TGM7: variants seen among roughly 807,000 people sequenced by gnomAD.
TGM7 encodes the protein transglutaminase 7.
Under a neutral mutation model 79.5 loss-of-function variants are expected in TGM7, and 74 were observed. The observed-to-expected ratio is 0.93, with a 90% CI of 0.77 to 1.13. TGM7 has a LOEUF of 1.13. Among genes scored for constraint, TGM7 ranks in the 50% most tolerant of loss-of-function variants. The pLI is 0.00. For missense variants in TGM7, 912 were observed against 905.9 expected (o/e 1.01, Z -0.09); for synonymous variants, 354 against 362.5 (o/e 0.98, Z 0.27).
chr15:43,296,896 G>C (rs1366062001), intron 1 of TGM7, among the ~76,000 whole-genome samples: 4 of 152,118 alleles, frequency 2.6e-5, no homozygotes, highest in Admixed American at 1.3e-4. Context: ...AGAAAACAAA[G>C]GGAAGGGTTT....
At chr15:43,280,252 C>T (rs2042901181) in intron 9 of TGM7, among the ~76,000 whole-genome samples, 3 of 152,160 alleles carry the variant, frequency 2.0e-5, no homozygotes, top group African/African-American at 7.2e-5. Flanking sequence ...ACCAGCATCA[C>T]TATCATCATC....
chr15:43,277,135 A>G, intron 11 of TGM7, 140 bp from the exon 12 acceptor site: 1 of 1,089,302 alleles, frequency 9.2e-7, no homozygotes, highest in Admixed American at 2.4e-5. Flanking sequence ...CGAGGGAGGA[A>G]TGTGAGCTGA....
chr15:43,279,182 C>G lies in TGM7; in HGVS notation c.1774G>C (p.Glu592Gln), dbSNP rs765562286. ...IRVSGIAEVE[E>Q]TGRSMLVLKD... ...AGGACCAGCATGGACCTCCCTGTCT[C>G]TTCAACCTCCGCGATGCCAGACACG... Residue 592 changes from glutamate (E) to glutamine (Q), a missense_variant, in exon 11 of 13, where the codon GAG becomes CAG. Physicochemically the swap from Glu to Gln is conservative, Grantham distance 29. Transcript: ENST00000452443. 1 of 1,614,200 alleles carries G rather than the reference C, an allele frequency of 6.2e-7. No homozygotes were observed. Among genetic ancestry groups the G allele is most frequent in the Admixed American group, 1.7e-5 (1 of 60,032 alleles).
chr15:43,282,464 C>T (rs2042914334), intron 8 of TGM7, 53 bp downstream of exon 8: 2 of 1,489,836 alleles, frequency 1.3e-6, no homozygotes, highest in Non-Finnish European at 1.8e-6. Flanking sequence ...CGGCCAGTCA[C>T]CCTAATCTGC....
At chr15:43,299,773 G>A (rs1245225032) in intron 1 of TGM7, among the ~76,000 whole-genome samples, 3 of 152,108 alleles carry the variant, frequency 2.0e-5, no homozygotes, top group Admixed American at 6.5e-5. Context: ...TTACAAATAC[G>A]TTATTCTTTT....
At chr15:43,300,673 C>T (rs1462033205) in intron 1 of TGM7, among the ~76,000 whole-genome samples, 3 of 152,100 alleles carry the variant, frequency 2.0e-5, no homozygotes, top group East Asian at 1.9e-4. Context: ...TGGTAGCGGG[C>T]GCCTGTAGTC....
At chr15:43,301,733 GTTC>G (rs1478504894) in intron 1 of TGM7, among the ~76,000 whole-genome samples, 1 of 152,162 alleles carries the variant, frequency 6.6e-6, no homozygotes, top group African/African-American at 2.4e-5. Flanking sequence ...GCGGGGGCCT[GTTC>G]TTCTCACTCC....
At chr15:43,298,740 A>T (rs940032343) in intron 1 of TGM7, among the ~76,000 whole-genome samples, 9 of 152,184 alleles carry the variant, frequency 5.9e-5, no homozygotes, top group African/African-American at 2.2e-4. Flanking sequence ...TGGCAGAGCG[A>T]GACTCCATCT....
rs547318007 is a variant in TGM7 at position 43,301,578 on chromosome 15, C to T, written c.10+663G>A. On this transcript the variant is annotated intron_variant, in intron 1 of 12. Transcript: ENST00000452443. ...TCAGGAGGCAGAGGATGCAGTGAGCCGAGATCGCGCCATTGCACTCCAGCC... is the reference window on the plus strand; with the variant it reads ...TCAGGAGGCAGAGGATGCAGTGAGCTGAGATCGCGCCATTGCACTCCAGCC... Among the ~76,000 whole-genome samples, 414 of 149,236 alleles carry T rather than the reference C, an allele frequency of 2.8e-3. 2 individuals carry two copies. The highest frequency in any genetic ancestry group is 9.7e-3 in the African/African-American group (391 of 40,260).
Position 43,292,011 on chromosome 15 carries a change from A to G in TGM7, c.526T>C (p.Phe176Leu). The G allele has an allele frequency of 6.2e-7, 1 of 1,614,042 alleles. No individual in the cohort carries two copies. The highest frequency in any genetic ancestry group is 8.5e-7 in the Non-Finnish European group (1 of 1,179,968). ...TAGTTCCAGGGCCAGGAGGTGATGAATCTTTCATGACCCTTGTAAACAAAG... is the reference window on the plus strand; with the variant it reads ...TAGTTCCAGGGCCAGGAGGTGATGAGTCTTTCATGACCCTTGTAAACAAAG... The part of the protein sequence containing the change: ...YGFVYKGHER[F>L]ITSWPWNYGQ... The change falls in exon 4 of 13, where the codon TTC (phenylalanine) becomes CTC (leucine). Residue 176 changes from phenylalanine to leucine, a missense_variant. Phe to Leu is a conservative substitution (Grantham distance 22). Coordinates refer to ENST00000452443, the MANE Select transcript of TGM7 (RefSeq NM_052955.3).
At chr15:43,282,819 A>C (rs1438334804) in intron 7 of TGM7, among the ~76,000 whole-genome samples, 199 bp from the exon 8 acceptor site, 1 of 152,122 alleles carries the variant, frequency 6.6e-6, no homozygotes, top group Non-Finnish European at 1.5e-5. Context: ...GGGAAGCCGA[A>C]GTGGGCGGAT....
rs143973489 is a variant in TGM7 at position 43,281,916 on chromosome 15, T to C, written c.1279A>G (p.Lys427Glu). ...ILAHNTSSIG[K>E]EISTKMVGSD... ...CCCACCATCTTAGTGCTGATCTCCT[T>C]CCCGATGGAACTGGTGTTGTGGGCC... Residue 427 changes from lysine to glutamate, a missense_variant, in exon 9 of 13, where the codon AAG (lysine) becomes GAG (glutamate). Coordinates refer to ENST00000452443, the MANE Select transcript of TGM7 (RefSeq NM_052955.3). 2.7e-4 allele frequency: 439 copies of C among 1,614,200 alleles called. 5 individuals are homozygous for C. In the East Asian group the frequency reaches 8.3e-3, roughly 31 times the overall value.
intron 4 of TGM7, among the ~76,000 whole-genome samples, chr15:43,288,761 C>T (rs2042949780): frequency 6.6e-6 from 1 of 152,214 alleles, no homozygotes; most frequent in African/African-American, 2.4e-5. Flanking sequence ...GAAACCCCGT[C>T]TCTACTAAAA....
intron 10 of TGM7, 65 bp downstream of exon 10, chr15:43,279,560 A>C: frequency 6.6e-7 from 1 of 1,504,884 alleles, no homozygotes. Context: ...GGCCCACCCC[A>C]CTGTGTTCAT....
At chr15:43,287,248 T>A (rs747070192) in intron 6 of TGM7, 32 bp downstream of exon 6, 2 of 1,597,802 alleles carry the variant, frequency 1.3e-6, no homozygotes, top group Admixed American at 3.4e-5. Context: ...ATGAAGTTAA[T>A]CACACCCCTA....
At chr15:43,277,073 G>A in intron 11 of TGM7, 78 bp from the exon 12 acceptor site, 1 of 1,551,100 alleles carries the variant, frequency 6.4e-7, no homozygotes, top group Non-Finnish European at 8.7e-7. Context: ...CCCACCCCCA[G>A]GTCCCTGGCG....
intron 6 of TGM7, among the ~76,000 whole-genome samples, chr15:43,285,757 C>T (rs1419123366): frequency 7.9e-5 from 12 of 152,248 alleles, no homozygotes; most frequent in South Asian, 2.1e-4. Flanking sequence ...TGTGGCTTCT[C>T]ATGATACTGC....
chr15:43,300,584 G>A (rs768725409), intron 1 of TGM7, among the ~76,000 whole-genome samples: 23 of 152,156 alleles, frequency 1.5e-4, no homozygotes, highest in African/African-American at 5.6e-4. Flanking sequence ...GGTGGATCAC[G>A]AGGTCAAGAG....
Position 43,292,034 on chromosome 15 carries a change from A to C in TGM7, c.503T>G (p.Phe168Cys), listed in dbSNP as rs762130865. The C allele has an allele frequency of 6.2e-7, 1 of 1,614,100 alleles. No individual in the cohort carries two copies. Among genetic ancestry groups the C allele is most frequent in the Non-Finnish European group, 8.5e-7 (1 of 1,180,026 alleles). ...LQEYIMRDYG[F>C]VYKGHERFIT... ...GAATCTTTCATGACCCTTGTAAACA[A>C]AGCCATAATCTCGCATGATATACTC... Residue 168 changes from phenylalanine to cysteine, a missense_variant, in exon 4 of 13, where the codon TTT (phenylalanine) becomes TGT (cysteine). Transcript: ENST00000452443.
Sources: gnomAD v4.1 joint callset for allele counts (sites outside exome capture counted in the v4.1 genomes callset) on GRCh38, gnomAD v4.1.1 for gene constraint, MANE v1.5 for transcripts, NCBI Gene and HGNC (gene_info 2026-07-23, HGNC 2026-07-21) for gene names.